The following DGCR2 variants were observed in gnomAD, a reference collection of about 807,000 sequenced individuals.
DGCR2 encodes integral membrane protein DGCR2/IDD.
In DGCR2, 24 loss-of-function variants were observed where a neutral mutation model predicts 51.6. The observed-to-expected ratio is 0.47, with a 90% CI of 0.34 to 0.65. DGCR2 has a LOEUF of 0.65. DGCR2 is among the 30% of genes least tolerant of loss of function. The pLI, the probability that DGCR2 is intolerant of heterozygous loss-of-function variation, is 0.01. For missense variants in DGCR2, 765 were observed against 772.1 expected, an observed-to-expected ratio of 0.99 and a Z score of 0.11; for synonymous variants, 340 against 315.4, an observed-to-expected ratio of 1.08 and a Z score of -0.82.
In DGCR2 at chr22:19,117,491, G is replaced by A. The variant is rs139726924; in HGVS notation, c.79+4637C>T. Among the ~76,000 whole-genome samples, 573 of 152,346 alleles carry A rather than the reference G, an allele frequency of 3.8e-3. 18 individuals carry two copies. Among genetic ancestry groups the A allele is most frequent in the Admixed American group, 0.031 (471 of 15,298 alleles). On this transcript the variant is annotated intron_variant, in intron 1 of 9. Coordinates refer to ENST00000263196, the MANE Select transcript of DGCR2 (RefSeq NM_005137.3). Reference sequence around the variant, plus strand: ...AGCAGGTGTTAGTGAGAACGATGGGGTGGGGTTAAGTGGGAGCAGCCTCTA... The same window carrying A: ...AGCAGGTGTTAGTGAGAACGATGGGATGGGGTTAAGTGGGAGCAGCCTCTA...
chr22:19,042,996 C>T (rs560930130), intron 7 of DGCR2, among the ~76,000 whole-genome samples: 16 of 152,158 alleles, frequency 1.1e-4, no homozygotes, highest in Non-Finnish European at 1.5e-4. Flanking sequence ...GATGCTCTCC[C>T]GGCTCAGCCA....
chr22:19,101,591 G>A (rs911892517), intron 1 of DGCR2, among the ~76,000 whole-genome samples: 2 of 151,920 alleles, frequency 1.3e-5, no homozygotes, highest in African/African-American at 4.8e-5. Flanking sequence ...AAGTACAAAA[G>A]TTAGCTGGGC....
At chr22:19,045,474 T>C (rs1339398311) in intron 7 of DGCR2, 1 of 152,282 alleles carries the variant, frequency 6.6e-6, no homozygotes, top group Non-Finnish European at 1.5e-5. Context: ...TACCACACTG[T>C]TGTGATTACT....
At chr22:19,062,875 CCCT>C in intron 5 of DGCR2, among the ~76,000 whole-genome samples, 1 of 149,702 alleles carries the variant, frequency 6.7e-6, no homozygotes, top group South Asian at 2.1e-4. Context: ...GCTTGTCCTC[CCCT>C]CCAGCCTGCC....
chr22:19,074,351 A>G (rs2082850232), intron 2 of DGCR2, among the ~76,000 whole-genome samples: 1 of 150,816 alleles, frequency 6.6e-6, no homozygotes, highest in Non-Finnish European at 1.5e-5. Context: ...GATTGAGCCT[A>G]GGAGGTTGCA....
chr22:19,060,928 T>A, intron 5 of DGCR2: 1 of 497,820 alleles, frequency 2.0e-6, no homozygotes, highest in East Asian at 5.6e-5. Context: ...TAAGCGTCTA[T>A]GTACCATGGT....
chr22:19,119,793 C>A (rs1385920882), intron 1 of DGCR2, among the ~76,000 whole-genome samples: 3 of 151,714 alleles, frequency 2.0e-5, no homozygotes, highest in African/African-American at 7.3e-5. Flanking sequence ...CACTTGCTGC[C>A]CCATAACTCC....
intron 7 of DGCR2, chr22:19,046,368 A>C (rs375375354): frequency 2.0e-5 from 3 of 152,272 alleles, no homozygotes; most frequent in African/African-American, 7.2e-5. Flanking sequence ...CGTTGACCTT[A>C]TATCTGGAGA....
rs966072414 is a variant in DGCR2 at position 19,080,021 on chromosome 22, T to C, written c.202+9347A>G. On this transcript the variant is annotated intron_variant, in intron 2 of 9. Coordinates refer to ENST00000263196, the MANE Select transcript of DGCR2 (RefSeq NM_005137.3). ...CACGGTGGGAGAGCTAGTCTTTCAG[T>C]TGGAAACCTTCCATTATGTTGACAC... is the stretch of plus-strand genomic sequence containing the variant. 5.3e-5 allele frequency among the ~76,000 whole-genome samples: 8 copies of C among 152,214 alleles called. No homozygotes were observed. The East Asian group carries it at 7.7e-4, about 15-fold the overall frequency.
chr22:19,063,063 C>G, intron 5 of DGCR2, 139 bp downstream of exon 5: 1 of 736,748 alleles, frequency 1.4e-6, no homozygotes, highest in Non-Finnish European at 2.3e-6. Context: ...CCGCAGCCCT[C>G]CCTGCAACTG....
intron 1 of DGCR2, among the ~76,000 whole-genome samples, chr22:19,090,032 C>A (rs1460473771): frequency 6.6e-6 from 1 of 152,166 alleles, no homozygotes; most frequent in Non-Finnish European, 1.5e-5. Flanking sequence ...TGGCCCTTTA[C>A]GAACCTATTA....
chr22:19,058,306 C>G (rs997569022), intron 5 of DGCR2, among the ~76,000 whole-genome samples: 1 of 152,206 alleles, frequency 6.6e-6, no homozygotes, highest in Non-Finnish European at 1.5e-5. Flanking sequence ...GCTGTGCCCC[C>G]TTCCCAGGGA....
chr22:19,109,300 C>T (rs1221885665), intron 1 of DGCR2, among the ~76,000 whole-genome samples: 1 of 152,126 alleles, frequency 6.6e-6, no homozygotes. Flanking sequence ...CTTCTGGGTA[C>T]ATACCCAAAA....
At chr22:19,049,695 C>A (rs1265852478) in intron 6 of DGCR2, among the ~76,000 whole-genome samples, 1 of 152,084 alleles carries the variant, frequency 6.6e-6, no homozygotes, top group East Asian at 1.9e-4. Context: ...AGCGTGGTGG[C>A]ATGTGCCTGT....
chr22:19,042,028 T>C lies in DGCR2; in HGVS notation c.1007-69A>G, dbSNP rs1035721949. ...CCCTCGTGCTACGCTGGGGATGCTG[T>C]CGTCCTCCTGCCCAGGCGGGCTGTG... On this transcript the variant is annotated intron_variant, in intron 7 of 9. Coordinates refer to ENST00000263196, the MANE Select transcript of DGCR2 (RefSeq NM_005137.3). 4.6e-6 allele frequency: 7 copies of C among 1,535,500 alleles called. No individual in the cohort carries two copies. In the African/African-American group the frequency reaches 9.5e-5, roughly 21 times the overall value.
intron 1 of DGCR2, among the ~76,000 whole-genome samples, chr22:19,102,602 T>A (rs2083214738): frequency 6.6e-6 from 1 of 151,966 alleles, no homozygotes. Context: ...CTCAGGAGGC[T>A]GAGGCAGGAG....
At position 19,037,660 on chromosome 22, in the gene DGCR2, G is replaced by T. The variant is rs2082385386; in HGVS notation, c.*1205C>A. On this transcript the variant is annotated 3_prime_UTR_variant, in exon 10 of 10. Coordinates refer to ENST00000263196, the MANE Select transcript of DGCR2 (RefSeq NM_005137.3). Reference sequence around the variant, plus strand: ...AGACATTCAACGTAGAAAAGATATGGATGTGCTAAAAATCGCACAGAACCC... The same window carrying T: ...AGACATTCAACGTAGAAAAGATATGTATGTGCTAAAAATCGCACAGAACCC... 1 of 152,226 alleles carries T rather than the reference G, an allele frequency of 6.6e-6. No individual in the cohort carries two copies. Among genetic ancestry groups the T allele is most frequent in the Non-Finnish European group, 1.5e-5 (1 of 68,076 alleles). 9.4% of individuals were successfully genotyped at this position (152,226 alleles called of 1,614,324 possible).
chr22:19,093,661 T>C (rs2083105333), intron 1 of DGCR2, among the ~76,000 whole-genome samples: 1 of 152,066 alleles, frequency 6.6e-6, no homozygotes, highest in African/African-American at 2.4e-5. Flanking sequence ...CCAGAATATA[T>C]AAAGCATGCT....
At chr22:19,041,393 C>T (rs982541165) in intron 8 of DGCR2, 99 bp from the exon 9 acceptor site, 2 of 1,203,766 alleles carry the variant, frequency 1.7e-6, no homozygotes, top group Non-Finnish European at 2.4e-6. Flanking sequence ...CCTGCCGTCC[C>T]TGAGTGCACA....
Sources: allele counts gnomAD v4.1 joint callset (sites outside exome capture counted in the v4.1 genomes callset), GRCh38; gene constraint gnomAD v4.1.1; transcripts MANE v1.5; gene names NCBI Gene and HGNC (gene_info 2026-07-23, HGNC 2026-07-21).